Variants in NOP58 observed in about 807,000 individuals in gnomAD.
The protein encoded by NOP58 is nucleolar protein 58.
A neutral mutation model predicts 71.2 loss-of-function variants in NOP58; 44 were observed. The ratio of observed to expected loss-of-function variants is 0.62; its 90% CI spans 0.49 to 0.79. The LOEUF (loss-of-function observed/expected upper bound fraction) is 0.79, where lower values mean the gene tolerates loss of function less well. NOP58 is among the 30% of genes least tolerant of loss of function. NOP58 has a pLI of 0.00. For synonymous variants in NOP58, 228 were observed against 200.3 expected (o/e 1.14, Z -1.17); for missense variants, 538 against 620.2 (o/e 0.87, Z 1.41).
At chr2:202,290,499 A>C (rs1482958262) in intron 7 of NOP58, 42 bp downstream of exon 7, 1 of 1,539,942 alleles carries the variant, frequency 6.5e-7, no homozygotes, top group South Asian at 1.2e-5. Flanking sequence ...AAAGTAAATG[A>C]ATTTGATTGC....
At chr2:202,289,992 T>G (rs1438062152) in intron 6 of NOP58, among the ~76,000 whole-genome samples, 3 of 152,160 alleles carry the variant, frequency 2.0e-5, no homozygotes, top group Non-Finnish European at 2.9e-5. Flanking sequence ...TCTTGCTCTG[T>G]CACCCAGGCT....
At chr2:202,287,596 G>A (rs373132348) in intron 5 of NOP58, 64 bp from the exon 6 acceptor site, 9 of 1,257,774 alleles carry the variant, frequency 7.2e-6, no homozygotes, top group Admixed American at 7.1e-5. Flanking sequence ...AAAACTTTAA[G>A]GTGTTAATTT....
intron 12 of NOP58, 38 bp from the exon 13 acceptor site, chr2:202,300,196 C>T (rs751016447): frequency 3.3e-6 from 5 of 1,519,934 alleles, no homozygotes; most frequent in Non-Finnish European, 4.4e-6. Flanking sequence ...ATTCCAGATA[C>T]TTGTTAGAGA....
chr2:202,297,873 C>A lies in NOP58; in HGVS notation c.1235C>A (p.Ala412Glu). ...GIRKISGTGK[A>E]LAKTEKYEHK... ...AGAAAAATAAGTGGAACAGGAAAAGCATTAGCAAAAACAGAAAAATATGAA... is the reference window on the plus strand; with the variant it reads ...AGAAAAATAAGTGGAACAGGAAAAGAATTAGCAAAAACAGAAAAATATGAA... The change falls in exon 12 of 15, where the codon GCA (alanine) becomes GAA (glutamate). Residue 412 changes from alanine to glutamate, a missense_variant. Physicochemically the swap from Ala to Glu is moderately radical, Grantham distance 107. Coordinates refer to ENST00000264279, the MANE Select transcript of NOP58 (RefSeq NM_015934.5). The A allele has an allele frequency of 6.3e-7, 1 of 1,584,560 alleles. No individual in the cohort carries two copies. Among genetic ancestry groups the A allele is most frequent in the Non-Finnish European group, 8.6e-7 (1 of 1,165,996 alleles).
At position 202,282,351 on chromosome 2, in the gene NOP58, C is replaced by T; in HGVS notation, c.176C>T (p.Ala59Val). Residue 59 changes from alanine to valine, a missense_variant and splice_region_variant, in exon 4 of 15, where the codon GCA becomes GTA. Coordinates refer to ENST00000264279, the MANE Select transcript of NOP58 (RefSeq NM_015934.5). Reference sequence around the variant, plus strand: ...TTTTGTTTTTCTTTTTCTTGAAAAGCATTCACAGCTCTGATGGAGGGCAAA... The same window carrying T: ...TTTTGTTTTTCTTTTTCTTGAAAAGTATTCACAGCTCTGATGGAGGGCAAA... ...KFQDTAEALA[A>V]FTALMEGKIN... is the part of the protein sequence containing the mutation. The T allele has an allele frequency of 6.3e-7, 1 of 1,598,028 alleles. No homozygotes were observed. Among genetic ancestry groups the T allele is most frequent in the Non-Finnish European group, 8.5e-7 (1 of 1,176,184 alleles).
intron 5 of NOP58, among the ~76,000 whole-genome samples, chr2:202,287,173 G>T (rs570517224): frequency 6.7e-6 from 1 of 149,764 alleles, no homozygotes; most frequent in Non-Finnish European, 1.5e-5. Context: ...CGGTTCAAGC[G>T]ATTCTCCTGC....
intron 13 of NOP58, among the ~76,000 whole-genome samples, chr2:202,302,368 G>A (rs753180535): frequency 2.6e-4 from 39 of 152,060 alleles, no homozygotes; most frequent in Non-Finnish European, 1.2e-4. Context: ...GAGATTACAG[G>A]CGTGAGCCAC....
intron 1 of NOP58, among the ~76,000 whole-genome samples, chr2:202,269,180 T>C (rs969216460): frequency 3.3e-5 from 5 of 150,972 alleles, no homozygotes. Context: ...TTTGTATTTA[T>C]TTATTTTTTG....
chr2:202,295,245 A>G (rs1414250614), intron 9 of NOP58, among the ~76,000 whole-genome samples: 7 of 152,246 alleles, frequency 4.6e-5, no homozygotes, highest in Admixed American at 4.6e-4. Flanking sequence ...AGATACTTGT[A>G]GGAATATCTC....
At chr2:202,302,503 A>T (rs1689111789) in intron 13 of NOP58, among the ~76,000 whole-genome samples, 1 of 152,216 alleles carries the variant, frequency 6.6e-6, no homozygotes, top group South Asian at 2.1e-4. Context: ...CAGTCCAGTA[A>T]GATAAGACAT....
intron 10 of NOP58, among the ~76,000 whole-genome samples, chr2:202,296,370 A>G (rs979894485): frequency 6.6e-6 from 1 of 152,020 alleles, no homozygotes; most frequent in African/African-American, 2.4e-5. Context: ...CGCCCGGCTA[A>G]TTTTTGTATT....
intron 4 of NOP58, among the ~76,000 whole-genome samples, chr2:202,284,125 TAC>T (rs1302218151): frequency 6.6e-6 from 1 of 151,756 alleles, no homozygotes; most frequent in Non-Finnish European, 1.5e-5. Context: ...CTACTAAAAA[TAC>T]AAAATTAGCT....
At chr2:202,286,377 C>A (rs571442546) in intron 5 of NOP58, among the ~76,000 whole-genome samples, 4 of 149,474 alleles carry the variant, frequency 2.7e-5, no homozygotes, top group African/African-American at 9.9e-5. Context: ...TGGTGGCGGG[C>A]GCCTGTAGTC....
At chr2:202,274,186 G>A (rs1346524259) in intron 1 of NOP58, among the ~76,000 whole-genome samples, 5 of 151,990 alleles carry the variant, frequency 3.3e-5, no homozygotes, top group East Asian at 3.9e-4. Context: ...AGTAAATAAC[G>A]AATATAATCT....
chr2:202,291,490 T>C (rs1460683395), intron 8 of NOP58: 7 of 352,060 alleles, frequency 2.0e-5, no homozygotes, highest in Admixed American at 4.5e-5. Context: ...GTCTGAATAA[T>C]GAATTAACCA....
intron 1 of NOP58, among the ~76,000 whole-genome samples, chr2:202,266,287 G>T (rs971266873): frequency 1.3e-5 from 2 of 151,474 alleles, no homozygotes; most frequent in Admixed American, 6.6e-5. Flanking sequence ...GATGTTTTGA[G>T]GAATGATCGA....
intron 13 of NOP58, among the ~76,000 whole-genome samples, chr2:202,301,084 T>TAGTA (rs1236500320): frequency 1.3e-5 from 2 of 152,164 alleles, no homozygotes; most frequent in African/African-American, 4.8e-5. Flanking sequence ...CTAAACCCAC[T>TAGTA]AGTAGCATTT....
At chr2:202,271,083 CA>C (rs199511240) in intron 1 of NOP58, among the ~76,000 whole-genome samples, 1 of 147,478 alleles carries the variant, frequency 6.8e-6, no homozygotes, top group Non-Finnish European at 1.5e-5. Context: ...GACACTGTCT[CA>C]AAAAAAAACA....
intron 6 of NOP58, 102 bp from the exon 7 acceptor site, chr2:202,290,221 T>C: frequency 6.7e-6 from 6 of 894,636 alleles, no homozygotes; most frequent in Non-Finnish European, 1.0e-5. Flanking sequence ...ATTACAGACA[T>C]GAGCCACCGT....
Sources: gnomAD v4.1 joint callset for allele counts (sites outside exome capture counted in the v4.1 genomes callset) on GRCh38, gnomAD v4.1.1 for gene constraint, MANE v1.5 for transcripts, NCBI Gene and HGNC (gene_info 2026-07-23, HGNC 2026-07-21) for gene names.